CNOT4: variants seen among roughly 807,000 people sequenced by gnomAD.
The protein encoded by CNOT4 is CCR4-NOT transcription complex subunit 4.
CNOT4 carries 8 observed loss-of-function variants against 73.8 expected under a neutral mutation model. The ratio of observed to expected loss-of-function variants is 0.11; its 90% CI spans 0.06 to 0.20. CNOT4 has a LOEUF of 0.20. CNOT4 is among the 10% of genes least tolerant of loss of function. The pLI is 1.00. For missense variants in CNOT4, 564 were observed against 883.4 expected (o/e 0.64, Z 4.58); for synonymous variants, 293 against 321.1 (o/e 0.91, Z 0.94).
At chr7:135,464,816 A>G (rs184457898) in intron 1 of CNOT4, among the ~76,000 whole-genome samples, 460 of 152,162 alleles carry the variant, frequency 3.0e-3, no homozygotes, top group African/African-American at 0.011. Flanking sequence ...ACCATTCTCA[A>G]GAAAACTGTT....
intron 1 of CNOT4, among the ~76,000 whole-genome samples, chr7:135,464,978 A>C (rs1454041584): frequency 1.3e-5 from 2 of 152,062 alleles, no homozygotes; most frequent in African/African-American, 4.8e-5. Context: ...ATTGGAAGAG[A>C]ATCTGAATTA....
chr7:135,362,917 A>T lies in CNOT4; in HGVS notation c.2110T>A (p.Leu704Ile). The T allele has an allele frequency of 6.2e-7, 1 of 1,610,214 alleles. No homozygotes were observed. Among genetic ancestry groups the T allele is most frequent in the Non-Finnish European group, 8.5e-7 (1 of 1,178,380 alleles). ...CGGTCCAGTGTTGAACTCTGTAGTA[A>T]ATCTGTGGGGGTTTTGCTGGGGGGT... ...FRPPSKTPTD[L>I]LQSSTLDRH Residue 704 changes from leucine (L) to isoleucine (I), a missense_variant, in exon 12 of 12, where the codon TTA (leucine) becomes ATA (isoleucine). By Grantham distance (5) the Leu-to-Ile change is conservative (BLOSUM62 2). Around this residue, in one of 10 missense-constraint regions of CNOT4, gnomAD observed 88 missense variants for 94.7 expected, o/e 0.93. Transcript: ENST00000541284.
At chr7:135,453,606 A>G (rs1054393588) in intron 1 of CNOT4, among the ~76,000 whole-genome samples, 1 of 151,792 alleles carries the variant, frequency 6.6e-6, no homozygotes, top group African/African-American at 2.4e-5. Flanking sequence ...GAATTCATAA[A>G]GGAGGGCAGA....
Position 135,362,573 on chromosome 7 carries a change from G to A in CNOT4, c.*312C>T, listed in dbSNP as rs961585539. 4.5e-5 allele frequency: 21 copies of A among 464,348 alleles called. No individual in the cohort carries two copies. The highest frequency in any genetic ancestry group is 5.1e-5 in the Non-Finnish European group (13 of 252,726). 28.8% of individuals were successfully genotyped at this position (464,348 alleles called of 1,614,324 possible). ...TAAGCAGATTATGTCATTATTATGC[G>A]CAACAGACAAACAATAATTTTCTAA... On this transcript the variant is annotated 3_prime_UTR_variant, in exon 12 of 12. Transcript: ENST00000541284.
rs529738019 is a variant in CNOT4, at chr7:135,396,415, C to A, written c.880-532G>T. On this transcript the variant is annotated intron_variant, in intron 8 of 11. Transcript: ENST00000541284. The stretch of plus-strand genomic sequence containing the variant: ...TACAGGCATGAGCCACCGTGCCCGG[C>A]CATCTCCTCTCTTTTTACAACTTTA... 1.4e-4 allele frequency among the ~76,000 whole-genome samples: 21 copies of A among 152,238 alleles called. 1 individual carries two copies. The highest frequency in any genetic ancestry group is 3.4e-3 in the Middle Eastern group (1 of 294).
chr7:135,451,297 T>A (rs1295073737), intron 1 of CNOT4, among the ~76,000 whole-genome samples: 1 of 152,144 alleles, frequency 6.6e-6, no homozygotes, highest in African/African-American at 2.4e-5. Flanking sequence ...TGTGTTTTGT[T>A]TTGTCTTGTT....
intron 10 of CNOT4, among the ~76,000 whole-genome samples, chr7:135,390,028 C>T (rs999101753): frequency 2.0e-4 from 31 of 152,190 alleles, no homozygotes; most frequent in African/African-American, 7.2e-4. Context: ...GACTAAGAAA[C>T]AGACTGATTT....
chr7:135,463,698 T>A (rs900556936), intron 1 of CNOT4, among the ~76,000 whole-genome samples: 1 of 151,598 alleles, frequency 6.6e-6, no homozygotes, highest in Non-Finnish European at 1.5e-5. Flanking sequence ...CTAATTAAAC[T>A]TAAGAGCTTC....
intron 2 of CNOT4, among the ~76,000 whole-genome samples, chr7:135,423,161 T>C (rs932870415): frequency 5.9e-5 from 9 of 152,160 alleles, no homozygotes; most frequent in Non-Finnish European, 8.8e-5. Flanking sequence ...TAATGATAAA[T>C]GGAAGATGCG....
chr7:135,425,194 A>C (rs114113975), intron 2 of CNOT4, among the ~76,000 whole-genome samples: 5,865 of 152,320 alleles, frequency 0.039, 377 homozygotes, highest in African/African-American at 0.13. Flanking sequence ...TCATCACAGA[A>C]GGCGTAAGAA....
chr7:135,474,220 C>T (rs1801838349), intron 1 of CNOT4, among the ~76,000 whole-genome samples: 2 of 151,148 alleles, frequency 1.3e-5, no homozygotes, highest in Admixed American at 1.3e-4. Flanking sequence ...CCTCATGATG[C>T]ACCTGCCTCA....
At chr7:135,477,512 A>G (rs966736568) in intron 1 of CNOT4, among the ~76,000 whole-genome samples, 2 of 152,100 alleles carry the variant, frequency 1.3e-5, no homozygotes, top group Non-Finnish European at 2.9e-5. Flanking sequence ...ATAAACATAC[A>G]CTCACGAATA....
At chr7:135,366,204 A>G (rs1369480850) in intron 10 of CNOT4, among the ~76,000 whole-genome samples, 2 of 152,226 alleles carry the variant, frequency 1.3e-5, no homozygotes, top group Non-Finnish European at 2.9e-5. Flanking sequence ...AACTCAGAAC[A>G]ATCTGCTCCT....
At position 135,394,341 on chromosome 7, in the gene CNOT4, C is replaced by T; in HGVS notation, c.1204G>A (p.Asp402Asn). The change falls in exon 10 of 12, where the codon GAC (aspartate) becomes AAC (asparagine). Residue 402 changes from aspartate to asparagine, a missense_variant. Physicochemically the swap from Asp to Asn is conservative, Grantham distance 23 (BLOSUM62 1). Around this residue, in one of 10 missense-constraint regions of CNOT4, gnomAD observed 14 missense variants for 60.4 expected, o/e 0.23. Coordinates refer to ENST00000541284, the MANE Select transcript of CNOT4 (RefSeq NM_001190850.2). ...GFGSSKQPED[D>N]LGFDPFDVTR... The stretch of plus-strand genomic sequence containing the variant: ...ACATCGAAGGGATCAAAACCCAAGT[C>T]ATCCTCTGGTTGTTTAGAAGAACCA... 2 of 1,614,160 alleles carry T rather than the reference C, an allele frequency of 1.2e-6. No homozygotes were observed. The highest frequency in any genetic ancestry group is 1.7e-6 in the Non-Finnish European group (2 of 1,180,000).
intron 1 of CNOT4, among the ~76,000 whole-genome samples, chr7:135,485,781 T>C (rs565565159): frequency 6.6e-6 from 1 of 152,168 alleles, no homozygotes; most frequent in South Asian, 2.1e-4. Context: ...AAAAACTAGA[T>C]CCAAATGTTA....
At chr7:135,379,568 A>ATG (rs1795723074) in intron 10 of CNOT4, among the ~76,000 whole-genome samples, 1 of 152,142 alleles carries the variant, frequency 6.6e-6, no homozygotes, top group Non-Finnish European at 1.5e-5. Flanking sequence ...GTGTGCCTAT[A>ATG]TGTGTATATA....
At chr7:135,371,734 C>T (rs1795212345) in intron 10 of CNOT4, among the ~76,000 whole-genome samples, 2 of 151,966 alleles carry the variant, frequency 1.3e-5, no homozygotes, top group African/African-American at 2.4e-5. Flanking sequence ...ATAAAAAATA[C>T]TCATGTGCAA....
chr7:135,489,205 G>GA (rs564234374), intron 1 of CNOT4, among the ~76,000 whole-genome samples: 228 of 151,770 alleles, frequency 1.5e-3, no homozygotes, highest in African/African-American at 5.2e-3. Flanking sequence ...GCCATATTTA[G>GA]AAAAAATAGG....
chr7:135,373,623 G>A (rs1795344712), intron 10 of CNOT4, among the ~76,000 whole-genome samples: 1 of 152,058 alleles, frequency 6.6e-6, no homozygotes, highest in South Asian at 2.1e-4. Context: ...TGTCACCTAG[G>A]CTGGAGTGCA....
Sources: gnomAD v4.1 joint callset for allele counts (sites outside exome capture counted in the v4.1 genomes callset) on GRCh38, gnomAD v4.1.1 for gene constraint, gnomAD v4.1.1 regional missense constraint, MANE v1.5 for transcripts, NCBI Gene and HGNC (gene_info 2026-07-23, HGNC 2026-07-21) for gene names.